UBE4B: variants seen among roughly 807,000 people sequenced by gnomAD.
UBE4B encodes ubiquitin conjugation factor E4 B.
In UBE4B, 27 loss-of-function variants were observed where a neutral mutation model predicts 148.1. The observed-to-expected ratio is 0.18, with a 90% CI of 0.13 to 0.25. UBE4B has a LOEUF of 0.25. Among genes scored for constraint, UBE4B ranks in the 10% least tolerant of loss-of-function variants. The probability of loss-of-function intolerance (pLI) is 1.00; values close to 1 mark genes in which losing one functional copy is unlikely to be tolerated. For synonymous variants in UBE4B, 596 were observed against 619.3 expected, an observed-to-expected ratio of 0.96 and a Z score of 0.56; for missense variants, 1,170 against 1,662.4, an observed-to-expected ratio of 0.70 and a Z score of 5.15.
chr1:10,103,171 C>T (rs1645043954), intron 5 of UBE4B, 79 bp downstream of exon 5: 2 of 1,414,206 alleles, frequency 1.4e-6, no homozygotes, highest in African/African-American at 1.4e-5. Context: ...CTCTGTTATC[C>T]ACATTCACTC....
At chr1:10,066,709 C>T (rs908456128) in intron 1 of UBE4B, among the ~76,000 whole-genome samples, 1 of 151,952 alleles carries the variant, frequency 6.6e-6, no homozygotes, top group African/African-American at 2.4e-5. Flanking sequence ...AGTTTGAGAC[C>T]AGCCTGACCA....
chr1:10,133,220 G>T (rs1212960340), intron 15 of UBE4B, among the ~76,000 whole-genome samples: 2 of 152,160 alleles, frequency 1.3e-5, no homozygotes. Context: ...AATAATGAAT[G>T]AATGATGTGA....
chr1:10,092,429 T>G lies in UBE4B; in HGVS notation c.212-3032T>G, dbSNP rs554160773. ...TAGTAGAGACAGAGTTTCACCATAT[T>G]GGCCAGGCTGGTCTCGAACTCCTGA... On this transcript the variant is annotated intron_variant, in intron 2 of 27. Coordinates refer to ENST00000343090, the MANE Select transcript of UBE4B (RefSeq NM_001105562.3). Among the ~76,000 whole-genome samples the G allele has an allele frequency of 6.6e-5, 10 of 152,008 alleles. No homozygotes were observed. In the South Asian group the frequency reaches 1.5e-3, roughly 22 times the overall value.
At chr1:10,070,797 T>C (rs978405950) in intron 1 of UBE4B, among the ~76,000 whole-genome samples, 1 of 152,222 alleles carries the variant, frequency 6.6e-6, no homozygotes, top group Non-Finnish European at 1.5e-5. Flanking sequence ...TGTATTTTTA[T>C]TGAATCAAGT....
intron 22 of UBE4B, among the ~76,000 whole-genome samples, chr1:10,159,996 G>A (rs78877530): frequency 0.033 from 4,988 of 152,268 alleles, 123 homozygotes; most frequent in South Asian, 0.075. Context: ...TCCTGAGATC[G>A]AGGCCTCCTG....
intron 23 of UBE4B, among the ~76,000 whole-genome samples, chr1:10,162,607 CTT>C (rs61393825): frequency 5.2e-5 from 7 of 135,152 alleles, no homozygotes; most frequent in African/African-American, 1.3e-4. Context: ...CGCGCCCAGA[CTT>C]TTTTTTTTTT....
At chr1:10,159,101 G>C (rs1465720527) in intron 22 of UBE4B, among the ~76,000 whole-genome samples, 1 of 151,990 alleles carries the variant, frequency 6.6e-6, no homozygotes, top group East Asian at 1.9e-4. Context: ...CGATGACAGT[G>C]TTAAATGAAG....
At chr1:10,133,934 C>G (rs1181691513) in intron 15 of UBE4B, among the ~76,000 whole-genome samples, 1 of 151,538 alleles carries the variant, frequency 6.6e-6, no homozygotes, top group African/African-American at 2.4e-5. Context: ...CCTGTAGACC[C>G]AGTTATTCAG....
intron 21 of UBE4B, among the ~76,000 whole-genome samples, chr1:10,153,490 T>TAAAAAAAAAAAAAAAAAAAAAA (rs1045427991): frequency 2.0e-5 from 1 of 49,200 alleles, no homozygotes; most frequent in African/African-American, 8.6e-5. Flanking sequence ...ACCCTGTTTC[T>TAAAAAAAAAAAAAAAAAAAAAA]AAAAAAAAAA....
At chr1:10,086,818 T>C (rs1644772958) in intron 2 of UBE4B, among the ~76,000 whole-genome samples, 1 of 152,122 alleles carries the variant, frequency 6.6e-6, no homozygotes, top group Non-Finnish European at 1.5e-5. Flanking sequence ...GCCTCCCAAG[T>C]AGCTGGGACT....
intron 17 of UBE4B, among the ~76,000 whole-genome samples, chr1:10,137,547 C>T (rs1424477149): frequency 6.6e-6 from 1 of 152,140 alleles, no homozygotes; most frequent in African/African-American, 2.4e-5. Context: ...CAGACATACC[C>T]CTTCTTCCCT....
chr1:10,039,141 A>G (rs1643662522), intron 1 of UBE4B, among the ~76,000 whole-genome samples: 1 of 152,058 alleles, frequency 6.6e-6, no homozygotes, highest in Admixed American at 6.6e-5. Context: ...GAGGAGATAG[A>G]TAGGAATCCA....
intron 1 of UBE4B, among the ~76,000 whole-genome samples, chr1:10,044,331 A>G (rs944136315): frequency 6.6e-6 from 1 of 152,136 alleles, no homozygotes; most frequent in Admixed American, 6.5e-5. Flanking sequence ...CTAGGATTAC[A>G]GGTGGGAGCC....
intron 17 of UBE4B, 97 bp downstream of exon 17, chr1:10,137,302 G>A: frequency 6.6e-7 from 1 of 1,507,048 alleles, no homozygotes; most frequent in Non-Finnish European, 9.1e-7. Context: ...GAATGTTGGG[G>A]GAGGTATGTA....
At chr1:10,152,799 A>G (rs938923857) in intron 21 of UBE4B, among the ~76,000 whole-genome samples, 7 of 152,010 alleles carry the variant, frequency 4.6e-5, no homozygotes, top group African/African-American at 1.2e-4. Context: ...CTCCGTCTCA[A>G]AAAAGAAAAA....
intron 2 of UBE4B, among the ~76,000 whole-genome samples, chr1:10,090,578 A>T (rs1422584617): frequency 6.6e-6 from 1 of 152,090 alleles, no homozygotes; most frequent in Non-Finnish European, 1.5e-5. Flanking sequence ...AAACAGATTT[A>T]TTGAGGCGTT....
chr1:10,172,318 T>A (rs964726940), intron 25 of UBE4B, among the ~76,000 whole-genome samples: 1 of 152,220 alleles, frequency 6.6e-6, no homozygotes, highest in Non-Finnish European at 1.5e-5. Flanking sequence ...ACTGTACACC[T>A]CATTTCACCC....
intron 4 of UBE4B, among the ~76,000 whole-genome samples, chr1:10,101,797 G>A (rs1422352407): frequency 1.3e-5 from 2 of 152,144 alleles, no homozygotes; most frequent in African/African-American, 4.8e-5. Context: ...GTGAGCCACT[G>A]CGCCTGGCCT....
chr1:10,128,648 T>C (rs1014551554), intron 11 of UBE4B: 1 of 152,258 alleles, frequency 6.6e-6, no homozygotes, highest in South Asian at 2.1e-4. Flanking sequence ...AACGCTTCCT[T>C]CTGAGTTGAG....
Sources: allele counts gnomAD v4.1 joint callset (sites outside exome capture counted in the v4.1 genomes callset), GRCh38; gene constraint gnomAD v4.1.1; transcripts MANE v1.5; gene names NCBI Gene and HGNC (gene_info 2026-07-23, HGNC 2026-07-21).